The following PDE8B variants were observed in gnomAD, a reference collection of about 807,000 sequenced individuals.
PDE8B encodes high affinity cAMP-specific and IBMX-insensitive 3',5'-cyclic phosphodiesterase 8B.
In PDE8B, 26 loss-of-function variants were observed where a neutral mutation model predicts 101.3. The ratio of observed to expected loss-of-function variants is 0.26; its 90% confidence interval spans 0.19 to 0.36. The LOEUF (loss-of-function observed/expected upper bound fraction) is 0.36. Ranked by LOEUF, PDE8B falls within the 10% of genes least tolerant of loss-of-function variation. The pLI, the probability that PDE8B is intolerant of heterozygous loss-of-function variation, is 1.00. For missense variants in PDE8B, 810 were observed against 1,163.1 expected (o/e 0.70, Z 4.42); for synonymous variants, 424 against 429.3 (o/e 0.99, Z 0.15).
At chr5:77,100,956 T>A in the PDE8B span, among the ~76,000 whole-genome samples, 13 of 147,390 alleles carry the variant, frequency 8.8e-5, no homozygotes, top group African/African-American at 3.0e-4. Flanking sequence ...CATCTAAAAA[T>A]TTTTTTTCCT....
At chr5:77,126,515 TC>T in the PDE8B span, among the ~76,000 whole-genome samples, 1 of 152,244 alleles carries the variant, frequency 6.6e-6, no homozygotes, top group Non-Finnish European at 1.5e-5. Context: ...AGCCTTAGTC[TC>T]CTGGGCTCAG....
intron 1 of PDE8B, among the ~76,000 whole-genome samples, chr5:77,255,567 C>G (rs1018447453): frequency 9.9e-5 from 15 of 152,232 alleles, no homozygotes; most frequent in Middle Eastern, 3.2e-3. Context: ...AACACTTACT[C>G]CTCACCTCCC....
intron 1 of PDE8B, among the ~76,000 whole-genome samples, chr5:77,310,614 C>A (rs1427953684): frequency 6.6e-6 from 1 of 152,220 alleles, no homozygotes; most frequent in Admixed American, 6.5e-5. Flanking sequence ...TTGTGCCAGG[C>A]CTGCTGAGTG....
intron 10 of PDE8B, among the ~76,000 whole-genome samples, chr5:77,380,284 C>T (rs932852813): frequency 1.3e-5 from 2 of 152,146 alleles, no homozygotes; most frequent in African/African-American, 4.8e-5. Context: ...TATGAACAAT[C>T]TTTTTGTTTT....
chr5:77,178,879 C>A, the PDE8B span, among the ~76,000 whole-genome samples: 1 of 152,264 alleles, frequency 6.6e-6, no homozygotes, highest in Non-Finnish European at 1.5e-5. Flanking sequence ...ACCCTCAGTT[C>A]CCTGCCGGGT....
In PDE8B at chr5:77,425,747, G is replaced by A; in HGVS notation, c.2419-20G>A. ...TGTCTCGCATGTCCTCCAGCCCTATGTGGTGGTTTTTTCTTACAGACTGAT... is the reference window on the plus strand; with the variant it reads ...TGTCTCGCATGTCCTCCAGCCCTATATGGTGGTTTTTTCTTACAGACTGAT... On this transcript the variant is annotated intron_variant, in intron 20 of 21. Coordinates refer to ENST00000264917, the MANE Select transcript of PDE8B (RefSeq NM_003719.5). The A allele has an allele frequency of 2.5e-6, 4 of 1,613,078 alleles. No individual in the cohort carries two copies. The highest frequency in any genetic ancestry group is 2.7e-5 in the African/African-American group (2 of 75,030).
intron 1 of PDE8B, among the ~76,000 whole-genome samples, chr5:77,293,531 C>T (rs1022380993): frequency 1.3e-5 from 2 of 152,020 alleles, no homozygotes; most frequent in Admixed American, 6.6e-5. Context: ...TCTGAGTGTG[C>T]GATATGATGT....
chr5:77,188,873 A>C, the PDE8B span, among the ~76,000 whole-genome samples: 5 of 152,194 alleles, frequency 3.3e-5, no homozygotes, highest in Admixed American at 3.3e-4. Context: ...TGGTACCCTG[A>C]TGAGTAAGTC....
intron 1 of PDE8B, among the ~76,000 whole-genome samples, chr5:77,217,170 T>C (rs2149405951): frequency 6.6e-6 from 1 of 152,214 alleles, no homozygotes; most frequent in South Asian, 2.1e-4. Context: ...TGATACACTT[T>C]TTTTATCACT....
At chr5:77,116,224 A>ATTTT in the PDE8B span, among the ~76,000 whole-genome samples, 30 of 59,606 alleles carry the variant, frequency 5.0e-4, no homozygotes, top group Non-Finnish European at 6.7e-4. Flanking sequence ...ATATATATAT[A>ATTTT]TTTTTTTTTT....
intron 6 of PDE8B, among the ~76,000 whole-genome samples, chr5:77,343,797 C>G (rs1290785051): frequency 6.6e-6 from 1 of 151,586 alleles, no homozygotes; most frequent in Non-Finnish European, 1.5e-5. Context: ...GCTTAAAACA[C>G]AAACACATTT....
chr5:77,348,108 T>A (rs1389979913), intron 7 of PDE8B, among the ~76,000 whole-genome samples: 1 of 152,146 alleles, frequency 6.6e-6, no homozygotes, highest in Non-Finnish European at 1.5e-5. Flanking sequence ...ATCGTGTTAA[T>A]AGAAGCTGTG....
At position 77,411,612 on chromosome 5, in the gene PDE8B, A is replaced by AT. The variant is rs568724171; in HGVS notation, c.1531-64_1531-63insT. ...ATTCAAATCTCTTTCACTAATAATA[A>AT]AAAAAAAAAGAGAATGATAATAGAT... On this transcript the variant is annotated intron_variant, in intron 14 of 21. Transcript: ENST00000264917. 2.0e-3 allele frequency: 2,648 copies of AT among 1,307,160 alleles called. 11 individuals are homozygous for AT. Among genetic ancestry groups the AT allele is most frequent in the Middle Eastern group, 3.8e-3 (16 of 4,228 alleles). 81.0% of individuals were successfully genotyped at this position (1,307,160 alleles called of 1,614,324 possible).
chr5:77,228,336 A>C (rs1008767000), intron 1 of PDE8B, among the ~76,000 whole-genome samples: 6 of 152,140 alleles, frequency 3.9e-5, no homozygotes, highest in African/African-American at 1.4e-4. Flanking sequence ...CATGAGTACG[A>C]ATAGGTGGGA....
the PDE8B span, among the ~76,000 whole-genome samples, chr5:77,125,128 G>T: frequency 1.3e-5 from 2 of 152,102 alleles, no homozygotes; most frequent in Admixed American, 6.5e-5. Flanking sequence ...GGGTAGCTGG[G>T]ACTACAGGCA....
the PDE8B span, among the ~76,000 whole-genome samples, chr5:77,129,843 T>C: frequency 6.6e-6 from 1 of 152,286 alleles, no homozygotes; most frequent in Admixed American, 6.5e-5. Context: ...GACGTGCACA[T>C]TTCCATCAGT....
intron 3 of PDE8B, among the ~76,000 whole-genome samples, chr5:77,326,880 TAAAAA>T (rs1293678085): frequency 1.3e-5 from 2 of 152,176 alleles, no homozygotes; most frequent in Non-Finnish European, 2.9e-5. Context: ...AAGCTTTACT[TAAAAA>T]GAAAAAACCA....
At chr5:77,093,432 G>A in the PDE8B span, among the ~76,000 whole-genome samples, 1 of 152,052 alleles carries the variant, frequency 6.6e-6, no homozygotes, top group Non-Finnish European at 1.5e-5. Flanking sequence ...TGATGGTAAT[G>A]TCCCCTCTTT....
the PDE8B span, among the ~76,000 whole-genome samples, chr5:77,101,887 T>C: frequency 6.6e-6 from 1 of 152,094 alleles, no homozygotes; most frequent in Non-Finnish European, 1.5e-5. Context: ...TGGGGAGTCA[T>C]TGTTTAAGAG....
Sources: allele counts gnomAD v4.1 joint callset (sites outside exome capture counted in the v4.1 genomes callset), GRCh38; gene constraint gnomAD v4.1.1; transcripts MANE v1.5; gene names NCBI Gene and HGNC (gene_info 2026-07-23, HGNC 2026-07-21).